STPG2: variants seen among roughly 807,000 people sequenced by gnomAD.
STPG2 encodes sperm-tail PG-rich repeat-containing protein 2.
A neutral mutation model predicts 54.2 loss-of-function variants in STPG2; 56 were observed. The observed-to-expected ratio is 1.03, with a 90% CI of 0.83 to 1.29. The LOEUF is 1.29. Ranked by LOEUF, STPG2 falls within the 50% of genes most tolerant of loss-of-function variation. The pLI is 0.00. For synonymous variants in STPG2, 200 were observed against 181.8 expected (o/e 1.10, Z -0.81); for missense variants, 596 against 544.9 (o/e 1.09, Z -0.93).
chr4:98,068,961 C>G (rs1402936170), intron 5 of STPG2, among the ~76,000 whole-genome samples: 3 of 152,096 alleles, frequency 2.0e-5, no homozygotes, highest in Admixed American at 6.6e-5. Flanking sequence ...GGACCATCAT[C>G]ATACGTGCAG....
intron 9 of STPG2, among the ~76,000 whole-genome samples, chr4:97,779,220 T>G (rs1238934102): frequency 6.6e-6 from 1 of 151,976 alleles, no homozygotes; most frequent in African/African-American, 2.4e-5. Context: ...GAATAACCAG[T>G]GTAGAGAAGT....
chr4:97,961,743 T>G (rs1357766948), intron 7 of STPG2, among the ~76,000 whole-genome samples: 1 of 152,156 alleles, frequency 6.6e-6, no homozygotes, highest in African/African-American at 2.4e-5. Context: ...CAGGGAACAC[T>G]TTTATACTGA....
At chr4:97,495,445 G>A (rs1019035207) in intron 4 of STPG2, among the ~76,000 whole-genome samples, 4 of 151,104 alleles carry the variant, frequency 2.6e-5, no homozygotes, top group African/African-American at 7.3e-5. Flanking sequence ...TATAGTATTC[G>A]TTTTTATGTG....
intron 8 of STPG2, among the ~76,000 whole-genome samples, chr4:97,936,777 G>A (rs1280366199): frequency 1.3e-5 from 2 of 152,084 alleles, no homozygotes; most frequent in Non-Finnish European, 2.9e-5. Flanking sequence ...CCCTTTGTAG[G>A]TGACCTGGCC....
intron 9 of STPG2, among the ~76,000 whole-genome samples, chr4:97,810,977 C>G (rs1727718951): frequency 6.6e-6 from 1 of 152,084 alleles, no homozygotes; most frequent in Non-Finnish European, 1.5e-5. Flanking sequence ...TGGTAAGGAT[C>G]AGATTATATA....
At chr4:97,486,825 G>GTATATATATATA (rs1243234512) in intron 4 of STPG2, among the ~76,000 whole-genome samples, 1 of 130,838 alleles carries the variant, frequency 7.6e-6, no homozygotes, top group African/African-American at 3.2e-5. Context: ...GTGTGTGTGT[G>GTATATATATATA]TGTGTATATA....
chr4:97,475,971 G>A (rs1326412639), intron 4 of STPG2, among the ~76,000 whole-genome samples: 1 of 151,978 alleles, frequency 6.6e-6, no homozygotes, highest in Non-Finnish European at 1.5e-5. Flanking sequence ...TTGTTTATAT[G>A]TTTATTTTTT....
chr4:97,747,351 T>C (rs780974256), intron 9 of STPG2, among the ~76,000 whole-genome samples: 1 of 151,442 alleles, frequency 6.6e-6, no homozygotes, highest in Non-Finnish European at 1.5e-5. Context: ...CAATTATGAA[T>C]AGTGGCAATG....
chr4:97,862,235 A>G (rs1729578243), intron 8 of STPG2, among the ~76,000 whole-genome samples: 1 of 151,854 alleles, frequency 6.6e-6, no homozygotes, highest in South Asian at 2.1e-4. Context: ...GGCTCAAAAT[A>G]AAGGGATGGA....
intron 8 of STPG2, among the ~76,000 whole-genome samples, chr4:97,884,916 G>T (rs1225417231): frequency 3.9e-5 from 6 of 151,956 alleles, no homozygotes; most frequent in Non-Finnish European, 8.8e-5. Context: ...AAAAAAACCA[G>T]ACTGTTACAG....
At chr4:97,938,526 G>C (rs990497282) in intron 8 of STPG2, among the ~76,000 whole-genome samples, 1 of 151,968 alleles carries the variant, frequency 6.6e-6, no homozygotes, top group Middle Eastern at 3.4e-3. Context: ...CTCTTAGCCA[G>C]ATTCCAGCCA....
intron 5 of STPG2, among the ~76,000 whole-genome samples, chr4:98,078,308 A>T (rs1408874789): frequency 1.3e-5 from 2 of 152,154 alleles, no homozygotes; most frequent in African/African-American, 4.8e-5. Flanking sequence ...TATATGAAAA[A>T]ACATAAATTC....
intron 10 of STPG2, among the ~76,000 whole-genome samples, chr4:97,627,690 A>G (rs1734169070): frequency 6.6e-6 from 1 of 152,178 alleles, no homozygotes; most frequent in Non-Finnish European, 1.5e-5. Flanking sequence ...AATTATCTAC[A>G]GATACATAGA....
intron 4 of STPG2, among the ~76,000 whole-genome samples, chr4:97,445,501 C>A (rs1163563590): frequency 6.6e-6 from 1 of 152,024 alleles, no homozygotes; most frequent in Non-Finnish European, 1.5e-5. Flanking sequence ...TCCAGTAAAC[C>A]TTAAATATTA....
chr4:98,016,329 T>C (rs1372554414), intron 5 of STPG2, among the ~76,000 whole-genome samples: 1 of 152,240 alleles, frequency 6.6e-6, no homozygotes. Context: ...TCAGGAATTC[T>C]TCTGTAGTTA....
chr4:98,090,489 C>T (rs11097607), intron 5 of STPG2, among the ~76,000 whole-genome samples: 60,304 of 151,708 alleles, frequency 0.4, 12,223 homozygotes, highest in Middle Eastern at 0.46. Context: ...TCTGGTAATG[C>T]GATACTTCCA....
At chr4:97,874,393 A>T (rs1483676336) in intron 8 of STPG2, among the ~76,000 whole-genome samples, 1 of 151,740 alleles carries the variant, frequency 6.6e-6, no homozygotes, top group Non-Finnish European at 1.5e-5. Context: ...TAAACTTCAC[A>T]TATTTACAGT....
At chr4:98,053,083 T>C (rs1205329022) in intron 5 of STPG2, among the ~76,000 whole-genome samples, 1 of 152,206 alleles carries the variant, frequency 6.6e-6, no homozygotes, top group Non-Finnish European at 1.5e-5. Flanking sequence ...GCTAGTTGGT[T>C]AGTTTTCCTG....
At chr4:97,811,738 T>C (rs1377026613) in intron 9 of STPG2, among the ~76,000 whole-genome samples, 1 of 151,332 alleles carries the variant, frequency 6.6e-6, no homozygotes, top group East Asian at 1.9e-4. Flanking sequence ...TTCCAGTATA[T>C]AATAGTCACA....
Sources: gnomAD v4.1 joint callset for allele counts (sites outside exome capture counted in the v4.1 genomes callset) on GRCh38, gnomAD v4.1.1 for gene constraint, MANE v1.5 for transcripts, NCBI Gene and HGNC (gene_info 2026-07-23, HGNC 2026-07-21) for gene names.